Variants in PPP4R4 observed in about 807,000 individuals in gnomAD.
PPP4R4 encodes serine/threonine-protein phosphatase 4 regulatory subunit 4.
In PPP4R4, 70 loss-of-function variants were observed where a neutral mutation model predicts 121.8. That is an observed-to-expected ratio of 0.57 (90% CI 0.47 to 0.70). The LOEUF is 0.70. Ranked by LOEUF, PPP4R4 falls within the 30% of genes least tolerant of loss-of-function variation. The probability of loss-of-function intolerance (pLI) is 0.00; values close to 1 mark genes in which losing one functional copy is unlikely to be tolerated. For missense variants in PPP4R4, 875 were observed against 1,033.6 expected, an observed-to-expected ratio of 0.85 and a Z score of 2.10; for synonymous variants, 348 against 355.7, an observed-to-expected ratio of 0.98 and a Z score of 0.24.
In PPP4R4 at chr14:94,174,568, C is replaced by G. The variant is rs746032028; in HGVS notation, c.103C>G (p.Arg35Gly). The G allele has an allele frequency of 2.8e-5, 45 of 1,611,652 alleles. No individual in the cohort carries two copies. Among genetic ancestry groups the G allele is most frequent in the Non-Finnish European group, 3.7e-5 (44 of 1,179,096 alleles). Residue 35 changes from arginine (R) to glycine (G), a missense_variant, in exon 1 of 25, where the codon CGC becomes GGC. Arg to Gly is a moderately radical substitution (Grantham distance 125). Coordinates refer to ENST00000304338, the MANE Select transcript of PPP4R4 (RefSeq NM_058237.2). ...GCTCACCATCATCGAGAGGCCGGTC[C>G]GCCGGAGCCTCAAGGTGCGCCCCGG... ...QELTIIERPVRRSLKTPEEIE... is the reference protein window; with the variant it reads ...QELTIIERPVGRSLKTPEEIE...
chr14:94,256,602 A>G lies in PPP4R4; in HGVS notation c.2008A>G (p.Arg670Gly). Residue 670 changes from arginine to glycine, a missense_variant and splice_region_variant, in exon 17 of 25, where the codon AGA becomes GGA. By Grantham distance (125) the Arg-to-Gly change is moderately radical. Coordinates refer to ENST00000304338, the MANE Select transcript of PPP4R4 (RefSeq NM_058237.2). ...KDKDVLAIVK[R>G]TVLELDRMEM... ...TAAAGATGTTCTGGCTATTGTAAAA[A>G]GAGTAAGTATCACTCTTGCCACAAT... 2.5e-6 allele frequency: 4 copies of G among 1,601,162 alleles called. No individual in the cohort carries two copies. The highest frequency in any genetic ancestry group is 3.4e-6 in the Non-Finnish European group (4 of 1,172,342).
chr14:94,213,549 A>G (rs1890854037), intron 3 of PPP4R4, among the ~76,000 whole-genome samples: 1 of 152,172 alleles, frequency 6.6e-6, no homozygotes, highest in African/African-American at 2.4e-5. Flanking sequence ...AAGGATCTTG[A>G]GATTGGGAGA....
intron 18 of PPP4R4, 48 bp from the exon 19 acceptor site, chr14:94,259,247 A>G: frequency 6.4e-7 from 1 of 1,564,046 alleles, no homozygotes; most frequent in Non-Finnish European, 8.7e-7. Context: ...TAAACTTGGC[A>G]GAAACTCATC....
At chr14:94,191,174 G>A (rs1473502441) in intron 2 of PPP4R4, among the ~76,000 whole-genome samples, 1 of 152,158 alleles carries the variant, frequency 6.6e-6, no homozygotes, top group Non-Finnish European at 1.5e-5. Context: ...ACAATTGGGA[G>A]TCATACACAT....
At chr14:94,192,159 T>A (rs1486640199) in intron 2 of PPP4R4, among the ~76,000 whole-genome samples, 2 of 152,172 alleles carry the variant, frequency 1.3e-5, no homozygotes, top group Non-Finnish European at 2.9e-5. Context: ...TTCTCTATGG[T>A]CTTAAGCATG....
chr14:94,212,637 T>C (rs1890803297), intron 3 of PPP4R4, among the ~76,000 whole-genome samples: 2 of 152,162 alleles, frequency 1.3e-5, no homozygotes, highest in South Asian at 4.1e-4. Flanking sequence ...AGGGTATCTA[T>C]TGAATAATTT....
intron 3 of PPP4R4, chr14:94,227,980 C>T (rs1891809872): frequency 6.0e-6 from 4 of 668,394 alleles, no homozygotes; most frequent in African/African-American, 2.0e-5. Context: ...TTTCAGAGAC[C>T]ACTTGCTGCT....
chr14:94,193,784 A>G (rs1197774427), intron 2 of PPP4R4, among the ~76,000 whole-genome samples: 2 of 152,194 alleles, frequency 1.3e-5, no homozygotes, highest in African/African-American at 4.8e-5. Context: ...TAGAGATGGA[A>G]TATTTCCAGA....
chr14:94,242,431 A>C, intron 11 of PPP4R4, 23 bp downstream of exon 11: 1 of 1,592,180 alleles, frequency 6.3e-7, no homozygotes, highest in Non-Finnish European at 8.6e-7. Context: ...ACTTGATATC[A>C]CTTTACGTTT....
In PPP4R4 at chr14:94,277,403, A is replaced by G. The variant is rs1048615195; in HGVS notation, c.2598-1216A>G. Among the ~76,000 whole-genome samples, 11 of 152,078 alleles carry G rather than the reference A, an allele frequency of 7.2e-5. 1 individual carries two copies. Among genetic ancestry groups the G allele is most frequent in the South Asian group, 4.2e-4 (2 of 4,816 alleles). On this transcript the variant is annotated intron_variant, in intron 24 of 24. Transcript: ENST00000304338. ...CAGCTAAGTGGTTGTGCAAAGTTCA[A>G]CTCAGCGCACTGGCCCTCGCTGTGC...
At position 94,256,614 on chromosome 14, in the gene PPP4R4, A is replaced by G. The variant is rs376901182; in HGVS notation, c.2010+10A>G. The G allele has an allele frequency of 8.2e-6, 13 of 1,584,398 alleles. No homozygotes were observed. In the African/African-American group the frequency reaches 1.5e-4, roughly 18 times the overall value. On this transcript the variant is annotated intron_variant, in intron 17 of 24. Transcript: ENST00000304338. ...GGCTATTGTAAAAAGAGTAAGTATC[A>G]CTCTTGCCACAATGTTGCATTTTTT...
intron 3 of PPP4R4, among the ~76,000 whole-genome samples, chr14:94,217,125 A>C (rs1891063502): frequency 6.6e-6 from 1 of 152,180 alleles, no homozygotes; most frequent in African/African-American, 2.4e-5. Context: ...AATACTCTAC[A>C]TCCACCATTA....
intron 2 of PPP4R4, among the ~76,000 whole-genome samples, chr14:94,196,782 G>A (rs1203337587): frequency 6.6e-6 from 1 of 151,370 alleles, no homozygotes; most frequent in Non-Finnish European, 1.5e-5. Context: ...TCATAATTAC[G>A]ATTCATGTGT....
At chr14:94,227,437 G>T (rs2139518179) in intron 3 of PPP4R4, 1 of 1,559,814 alleles carries the variant, frequency 6.4e-7, no homozygotes, top group East Asian at 2.3e-5. Flanking sequence ...AAAATCAGTT[G>T]ATTTTTAGCA....
chr14:94,192,500 G>A (rs1257461044), intron 2 of PPP4R4, among the ~76,000 whole-genome samples: 1 of 152,156 alleles, frequency 6.6e-6, no homozygotes, highest in Non-Finnish European at 1.5e-5. Flanking sequence ...TATCAACTAT[G>A]TAAAGTTTAG....
rs770488006 is a variant in PPP4R4, at chr14:94,242,242, T to C, written c.1147-47T>C. Reference sequence around the variant, plus strand: ...GATTATAATATTAGGTATTGATGCATGTTTTTCTTTCCTTCCCACTCATCT... The same window carrying C: ...GATTATAATATTAGGTATTGATGCACGTTTTTCTTTCCTTCCCACTCATCT... On this transcript the variant is annotated intron_variant, in intron 10 of 24. Transcript: ENST00000304338. The C allele has an allele frequency of 8.2e-6, 13 of 1,583,592 alleles. No individual in the cohort carries two copies. In the South Asian group the frequency reaches 1.3e-4, roughly 16 times the overall value.
chr14:94,266,526 A>AT (rs911217785), intron 22 of PPP4R4, among the ~76,000 whole-genome samples: 1 of 152,152 alleles, frequency 6.6e-6, no homozygotes, highest in African/African-American at 2.4e-5. Context: ...GATAAATTAC[A>AT]TGTTTCAGGA....
At chr14:94,205,057 G>GT (rs1020015804) in intron 2 of PPP4R4, among the ~76,000 whole-genome samples, 1 of 152,118 alleles carries the variant, frequency 6.6e-6, no homozygotes, top group African/African-American at 2.4e-5. Flanking sequence ...CTGCTTTGCA[G>GT]TTTTTCTTCA....
chr14:94,196,707 T>G (rs1166421545), intron 2 of PPP4R4, among the ~76,000 whole-genome samples: 1 of 152,150 alleles, frequency 6.6e-6, no homozygotes, highest in Admixed American at 6.5e-5. Flanking sequence ...TCTTTCTAGT[T>G]TAGTCTTTTT....
Sources: gnomAD v4.1 joint callset for allele counts (sites outside exome capture counted in the v4.1 genomes callset) on GRCh38, gnomAD v4.1.1 for gene constraint, MANE v1.5 for transcripts, NCBI Gene and HGNC (gene_info 2026-07-23, HGNC 2026-07-21) for gene names.